SLC2A12: variants seen among roughly 807,000 people sequenced by gnomAD.
SLC2A12 encodes the protein solute carrier family 2, facilitated glucose transporter member 12.
A neutral mutation model predicts 41.8 loss-of-function variants in SLC2A12; 23 were observed. The observed-to-expected ratio is 0.55, with a 90% CI of 0.40 to 0.78. The LOEUF (loss-of-function observed/expected upper bound fraction) is 0.78. SLC2A12 is among the 30% of genes least tolerant of loss of function. The pLI is 0.00. For synonymous variants in SLC2A12, 295 were observed against 285.9 expected (o/e 1.03, Z -0.32); for missense variants, 654 against 745.6 (o/e 0.88, Z 1.43).
intron 2 of SLC2A12, among the ~76,000 whole-genome samples, chr6:134,011,147 A>G (rs941398292): frequency 1.3e-5 from 2 of 152,164 alleles, no homozygotes; most frequent in Non-Finnish European, 2.9e-5. Flanking sequence ...GCCATGCCCT[A>G]TACTTTGTAG....
chr6:134,041,639 G>A (rs951058196), intron 1 of SLC2A12, among the ~76,000 whole-genome samples: 5 of 152,094 alleles, frequency 3.3e-5, no homozygotes, highest in African/African-American at 1.2e-4. Context: ...GCTTGGTGAA[G>A]GTTCCATCTC....
At chr6:134,046,220 G>T (rs929144753) in intron 1 of SLC2A12, among the ~76,000 whole-genome samples, 1 of 152,164 alleles carries the variant, frequency 6.6e-6, no homozygotes, top group Non-Finnish European at 1.5e-5. Context: ...ATAATAATGG[G>T]CACTGCTAAC....
Position 134,018,149 on chromosome 6 carries a change from C to T in SLC2A12, c.1444+10232G>A, listed in dbSNP as rs965067889. ...CCTATGTGTCCCAGAGTGACTTAAG[C>T]AAAATGCCTGTTGAAGTCAGTGCTG... On this transcript the variant is annotated intron_variant, in intron 2 of 4. Coordinates refer to ENST00000275230, the MANE Select transcript of SLC2A12 (RefSeq NM_145176.3). 3.9e-5 allele frequency among the ~76,000 whole-genome samples: 6 copies of T among 152,130 alleles called. No individual in the cohort carries two copies. In the South Asian group the frequency reaches 6.2e-4, roughly 16 times the overall value.
intron 2 of SLC2A12, among the ~76,000 whole-genome samples, chr6:134,013,150 G>T (rs1361258654): frequency 6.6e-6 from 1 of 152,034 alleles, no homozygotes; most frequent in African/African-American, 2.4e-5. Flanking sequence ...CTTAGGCCGG[G>T]CATGGTGGCT....
intron 2 of SLC2A12, among the ~76,000 whole-genome samples, chr6:134,021,814 A>G (rs1201522603): frequency 1.3e-4 from 20 of 152,228 alleles, no homozygotes; most frequent in Admixed American, 1.3e-3. Context: ...AATGGAGTGG[A>G]TTCAAAGAGG....
chr6:133,994,672 G>A (rs914626868), intron 4 of SLC2A12, among the ~76,000 whole-genome samples: 1 of 152,132 alleles, frequency 6.6e-6, no homozygotes, highest in Non-Finnish European at 1.5e-5. Flanking sequence ...AGCTTGCATT[G>A]AGCCGAGATG....
intron 3 of SLC2A12, 40 bp downstream of exon 3, chr6:134,006,772 C>A: frequency 1.2e-6 from 2 of 1,610,784 alleles, no homozygotes; most frequent in African/African-American, 2.7e-5. Context: ...ATTTGTCCTA[C>A]GAGGACCAAA....
chr6:133,994,952 G>A (rs1176767098), intron 4 of SLC2A12, among the ~76,000 whole-genome samples: 1 of 152,082 alleles, frequency 6.6e-6, no homozygotes, highest in Non-Finnish European at 1.5e-5. Flanking sequence ...TCAAATGCTG[G>A]GGATAATCTA....
In SLC2A12 at chr6:134,028,898, T is replaced by A; in HGVS notation, c.927A>T (p.Gly309=). Residue 309 remains glycine, a synonymous_variant, in exon 2 of 5, where the codon GGA becomes GGT. Coordinates refer to ENST00000275230, the MANE Select transcript of SLC2A12 (RefSeq NM_145176.3). The part of the protein sequence containing the change: ...FYASTVLKSV[G]FQSNEAASLA... ...GGCTAGCTGCCTCATTGCTTTGAAA[T>A]CCAACTGACTTCAAAACAGTTGATG... The A allele has an allele frequency of 6.2e-7, 1 of 1,614,222 alleles. No homozygotes were observed. Among genetic ancestry groups the A allele is most frequent in the Non-Finnish European group, 8.5e-7 (1 of 1,180,048 alleles).
Position 133,989,738 on chromosome 6 carries a change from T to A in SLC2A12, c.*1417A>T, listed in dbSNP as rs1170481638. The A allele has an allele frequency of 2.0e-5, 3 of 152,186 alleles. No individual in the cohort carries two copies. Among genetic ancestry groups the A allele is most frequent in the Non-Finnish European group, 4.4e-5 (3 of 68,034 alleles). 9.4% of individuals were successfully genotyped at this position (152,186 alleles called of 1,614,324 possible). ...ACATAGGTTTATAGTCTCTCCACAT[T>A]GTTATAAAGGAATGTAATAGATCAT... On this transcript the variant is annotated 3_prime_UTR_variant, in exon 5 of 5. Transcript: ENST00000275230.
chr6:134,052,309 A>C, intron 1 of SLC2A12, 69 bp downstream of exon 1: 1 of 1,134,928 alleles, frequency 8.8e-7, no homozygotes, highest in East Asian at 2.4e-5. Flanking sequence ...GACTCAAGAG[A>C]CAGTACACTC....
intron 1 of SLC2A12, among the ~76,000 whole-genome samples, chr6:134,035,717 TTC>T (rs1288379847): frequency 3.3e-5 from 5 of 152,220 alleles, no homozygotes; most frequent in African/African-American, 1.2e-4. Flanking sequence ...CATCACACCT[TTC>T]TGTCTCCACA....
chr6:134,045,802 G>A (rs1052909702), intron 1 of SLC2A12, among the ~76,000 whole-genome samples: 3 of 152,140 alleles, frequency 2.0e-5, no homozygotes, highest in Admixed American at 6.5e-5. Context: ...TTCATAATAC[G>A]GAGGTAAAGC....
At chr6:133,996,509 T>C (rs985347840) in intron 4 of SLC2A12, among the ~76,000 whole-genome samples, 2 of 152,246 alleles carry the variant, frequency 1.3e-5, no homozygotes, top group Admixed American at 6.5e-5. Context: ...TTCAGCTTTT[T>C]AGAAATAGGG....
chr6:134,014,442 G>T (rs1337562604), intron 2 of SLC2A12, among the ~76,000 whole-genome samples: 1 of 152,136 alleles, frequency 6.6e-6, no homozygotes, highest in Non-Finnish European at 1.5e-5. Flanking sequence ...TGAACTAAAA[G>T]TTCAAAATAC....
chr6:134,032,426 T>TATTTA (rs1777223371), intron 1 of SLC2A12, among the ~76,000 whole-genome samples: 3 of 35,506 alleles, frequency 8.4e-5, no homozygotes, highest in South Asian at 8.9e-4. Flanking sequence ...ATATATATAT[T>TATTTA]TATATATATA....
intron 2 of SLC2A12, among the ~76,000 whole-genome samples, chr6:134,022,037 C>G (rs1202872475): frequency 6.6e-6 from 1 of 152,070 alleles, no homozygotes; most frequent in Non-Finnish European, 1.5e-5. Flanking sequence ...CCCTGGAGCA[C>G]AAGACTTAAG....
chr6:134,006,778 C>A, intron 3 of SLC2A12, 34 bp downstream of exon 3: 1 of 1,612,474 alleles, frequency 6.2e-7, no homozygotes, highest in Non-Finnish European at 8.5e-7. Context: ...CCTACGAGGA[C>A]CAAAGACATT....
intron 2 of SLC2A12, among the ~76,000 whole-genome samples, chr6:134,020,115 G>C (rs1310336013): frequency 1.3e-5 from 2 of 152,070 alleles, no homozygotes; most frequent in African/African-American, 4.8e-5. Flanking sequence ...ACAGTTAGGG[G>C]AACAGGGGAC....
Sources: allele counts gnomAD v4.1 joint callset (sites outside exome capture counted in the v4.1 genomes callset), GRCh38; gene constraint gnomAD v4.1.1; transcripts MANE v1.5; gene names NCBI Gene and HGNC (gene_info 2026-07-23, HGNC 2026-07-21).